NT5DC1: variants seen among roughly 807,000 people sequenced by gnomAD.
NT5DC1 encodes the protein 5'-nucleotidase domain containing 1.
A neutral mutation model predicts 59.4 loss-of-function variants in NT5DC1; 42 were observed. The ratio of observed to expected loss-of-function variants is 0.71; its 90% CI spans 0.55 to 0.92. The LOEUF (loss-of-function observed/expected upper bound fraction) is 0.92. NT5DC1 is among the 40% of genes least tolerant of loss of function. The pLI is 0.00. For missense variants in NT5DC1, 501 were observed against 537.1 expected (o/e 0.93, Z 0.66); for synonymous variants, 172 against 188.1 (o/e 0.91, Z 0.70).
At chr6:116,102,081 T>G (rs509859) in intron 1 of NT5DC1, among the ~76,000 whole-genome samples, 95,690 of 152,148 alleles carry the variant, frequency 0.63, 30,672 homozygotes, top group East Asian at 0.99. Context: ...TGTATAATGC[T>G]TAGAATAGTA....
chr6:116,104,328 C>T (rs1215681202), intron 1 of NT5DC1, among the ~76,000 whole-genome samples: 5 of 152,322 alleles, frequency 3.3e-5, no homozygotes, highest in South Asian at 4.1e-4. Flanking sequence ...TCCCTGTTGG[C>T]GTCTCTGATG....
intron 6 of NT5DC1, among the ~76,000 whole-genome samples, chr6:116,151,087 C>T (rs1780025273): frequency 6.6e-6 from 1 of 151,892 alleles, no homozygotes; most frequent in Non-Finnish European, 1.5e-5. Flanking sequence ...TGTGAATTTG[C>T]TCAGGGATTA....
chr6:116,162,600 ATCCTTG>A, intron 6 of NT5DC1, among the ~76,000 whole-genome samples: 1 of 152,274 alleles, frequency 6.6e-6, no homozygotes, highest in Non-Finnish European at 1.5e-5. Context: ...ATGTTGAACC[ATCCTTG>A]TGTTCCCAGA....
In NT5DC1 at chr6:116,223,021, G is replaced by T; in HGVS notation, c.705-13G>T. ...TCTTAAAATAAACTTATGAAAAATT[G>T]TGTTGCTTTTAGGAATGATTTTACA... On this transcript the variant is annotated splice_polypyrimidine_tract_variant and intron_variant, in intron 7 of 11. Coordinates refer to ENST00000319550, the MANE Select transcript of NT5DC1 (RefSeq NM_152729.3). The T allele has an allele frequency of 7.2e-7, 1 of 1,394,524 alleles. No homozygotes were observed. The allele number at this position is 1,394,524 out of a possible 1,614,324, so 86.4% of individuals were successfully genotyped here.
chr6:116,170,561 G>A (rs1037580425), intron 6 of NT5DC1, among the ~76,000 whole-genome samples: 4 of 152,124 alleles, frequency 2.6e-5, no homozygotes, highest in African/African-American at 9.7e-5. Flanking sequence ...AGTAATCAGT[G>A]CACCTTAGCT....
chr6:116,117,262 A>C (rs958484655), intron 5 of NT5DC1, among the ~76,000 whole-genome samples: 1 of 152,126 alleles, frequency 6.6e-6, no homozygotes, highest in Non-Finnish European at 1.5e-5. Flanking sequence ...GGAAATTTTT[A>C]TTTTATTTGG....
chr6:116,121,241 G>A (rs1562124007), intron 6 of NT5DC1: 1 of 1,613,782 alleles, frequency 6.2e-7, no homozygotes, highest in Non-Finnish European at 8.5e-7. Flanking sequence ...AGGCCCTGGG[G>A]GCCCAGCTAT....
intron 6 of NT5DC1, among the ~76,000 whole-genome samples, chr6:116,195,622 G>T (rs989793245): frequency 9.9e-5 from 15 of 151,878 alleles, no homozygotes; most frequent in Non-Finnish European, 2.2e-4. Flanking sequence ...CATAATCAGG[G>T]GTTAGAAAGA....
At chr6:116,214,830 AAG>A (rs1781659350) in intron 6 of NT5DC1, among the ~76,000 whole-genome samples, 1 of 152,036 alleles carries the variant, frequency 6.6e-6, no homozygotes, top group South Asian at 2.1e-4. Context: ...TAAAAAAAAA[AAG>A]AGTTATCTGG....
intron 6 of NT5DC1, among the ~76,000 whole-genome samples, chr6:116,208,576 G>T (rs1017250481): frequency 2.0e-5 from 3 of 152,018 alleles, no homozygotes; most frequent in African/African-American, 7.2e-5. Context: ...CAAGCTACAA[G>T]CTCTTTAGTT....
At chr6:116,152,222 A>G (rs1780060512) in intron 6 of NT5DC1, among the ~76,000 whole-genome samples, 1 of 152,192 alleles carries the variant, frequency 6.6e-6, no homozygotes, top group Non-Finnish European at 1.5e-5. Flanking sequence ...AGAATATATG[A>G]TTAGAAAATA....
intron 6 of NT5DC1, among the ~76,000 whole-genome samples, chr6:116,136,687 TAAAC>T (rs1562133226): frequency 6.6e-6 from 1 of 152,288 alleles, no homozygotes; most frequent in African/African-American, 2.4e-5. Context: ...TTCATATTAA[TAAAC>T]AGATAAAAAT....
intron 6 of NT5DC1, among the ~76,000 whole-genome samples, chr6:116,199,998 G>GGC (rs1562161634): frequency 8.8e-6 from 1 of 113,372 alleles, no homozygotes; most frequent in Non-Finnish European, 1.6e-5. Flanking sequence ...AGTATGGAAA[G>GGC]TGGGGGGGGA....
intron 8 of NT5DC1, among the ~76,000 whole-genome samples, chr6:116,236,319 A>G (rs1782113412): frequency 1.3e-5 from 2 of 152,212 alleles, no homozygotes; most frequent in African/African-American, 2.4e-5. Flanking sequence ...GCTCACGTAC[A>G]AGTAATAGAA....
chr6:116,129,922 A>G (rs894028870), intron 6 of NT5DC1, among the ~76,000 whole-genome samples: 1 of 152,278 alleles, frequency 6.6e-6, no homozygotes, highest in Admixed American at 6.5e-5. Context: ...ACACACATTC[A>G]CTCACACACA....
chr6:116,170,382 C>T (rs1287112419), intron 6 of NT5DC1, among the ~76,000 whole-genome samples: 17 of 152,042 alleles, frequency 1.1e-4, no homozygotes, highest in Admixed American at 9.8e-4. Flanking sequence ...TATTCTGCCA[C>T]GTAGTTGGTG....
intron 6 of NT5DC1, among the ~76,000 whole-genome samples, chr6:116,199,992 T>G (rs923258723): frequency 1.1e-5 from 1 of 91,430 alleles, no homozygotes; most frequent in African/African-American, 7.8e-5. Context: ...GAGTACAGTA[T>G]GGAAAGTGGG....
intron 7 of NT5DC1, among the ~76,000 whole-genome samples, chr6:116,221,873 A>C (rs745816235): frequency 3.3e-5 from 5 of 152,222 alleles, no homozygotes; most frequent in Non-Finnish European, 7.3e-5. Flanking sequence ...AGAATTAGAC[A>C]GGAATAGTTG....
intron 8 of NT5DC1, among the ~76,000 whole-genome samples, chr6:116,234,720 T>C (rs1782083177): frequency 6.6e-6 from 1 of 152,222 alleles, no homozygotes; most frequent in Middle Eastern, 3.2e-3. Context: ...CAGTGTACTA[T>C]CTAAATAATG....
Sources: allele counts gnomAD v4.1 joint callset (sites outside exome capture counted in the v4.1 genomes callset), GRCh38; gene constraint gnomAD v4.1.1; transcripts MANE v1.5; gene names NCBI Gene and HGNC (gene_info 2026-07-23, HGNC 2026-07-21).